TLL2: variants seen among roughly 807,000 people sequenced by gnomAD.
TLL2 encodes tolloid-like protein 2.
A neutral mutation model predicts 123.0 loss-of-function variants in TLL2; 106 were observed. The ratio of observed to expected loss-of-function variants is 0.86; its 90% CI spans 0.74 to 1.01. The LOEUF (loss-of-function observed/expected upper bound fraction) is 1.01. TLL2 is among the 50% of genes least tolerant of loss of function. The pLI, the probability that TLL2 is intolerant of heterozygous loss-of-function variation, is 0.00. For missense variants in TLL2, 1,332 were observed against 1,336.7 expected (o/e 1.00, Z 0.06); for synonymous variants, 494 against 516.8 (o/e 0.96, Z 0.60).
At chr10:96,421,506 A>C (rs533454286) in intron 6 of TLL2, among the ~76,000 whole-genome samples, 14 of 133,578 alleles carry the variant, frequency 1.0e-4, no homozygotes, top group South Asian at 7.0e-4. Flanking sequence ...TCTACTAAAA[A>C]TACAAAAATT....
chr10:96,483,697 G>T (rs140194398), intron 1 of TLL2, among the ~76,000 whole-genome samples: 4 of 152,230 alleles, frequency 2.6e-5, no homozygotes, highest in South Asian at 4.1e-4. Flanking sequence ...TTGTATATAC[G>T]GGAGGAGAAG....
At chr10:96,378,797 A>T (rs1201238517) in intron 17 of TLL2, among the ~76,000 whole-genome samples, 170 bp downstream of exon 17, 1 of 152,204 alleles carries the variant, frequency 6.6e-6, no homozygotes, top group Non-Finnish European at 1.5e-5. Context: ...CTCCTGAAGG[A>T]GCGAGATGCC....
intron 1 of TLL2, among the ~76,000 whole-genome samples, chr10:96,481,950 C>T (rs754051117): frequency 6.6e-5 from 10 of 152,162 alleles, no homozygotes; most frequent in Non-Finnish European, 1.5e-4. Context: ...TTATGGAAAA[C>T]TGGAAGGTTC....
At chr10:96,503,971 G>A (rs915785983) in intron 1 of TLL2, among the ~76,000 whole-genome samples, 7 of 152,204 alleles carry the variant, frequency 4.6e-5, no homozygotes, top group South Asian at 2.1e-4. Flanking sequence ...GTCACATGGC[G>A]TAGAGGGGAA....
intron 2 of TLL2, among the ~76,000 whole-genome samples, chr10:96,473,051 C>CT (rs1389360623): frequency 6.6e-6 from 1 of 151,994 alleles, no homozygotes; most frequent in African/African-American, 2.4e-5. Flanking sequence ...TCCATCAGCC[C>CT]CCCCCAATCA....
chr10:96,396,334 C>G (rs540162621), intron 11 of TLL2, among the ~76,000 whole-genome samples: 1 of 152,306 alleles, frequency 6.6e-6, no homozygotes, highest in South Asian at 2.1e-4. Flanking sequence ...GGTTCTGATT[C>G]CAGTGGGTGT....
chr10:96,512,955 G>A (rs954590109), intron 1 of TLL2, among the ~76,000 whole-genome samples: 2 of 152,270 alleles, frequency 1.3e-5, no homozygotes, highest in African/African-American at 2.4e-5. Flanking sequence ...TACCGCTACA[G>A]GGAAGTTTCC....
At position 96,421,050 on chromosome 10, in the gene TLL2, T is replaced by A; in HGVS notation, c.829A>T (p.Asn277Tyr). 6.2e-7 allele frequency: 1 copy of A among 1,613,858 alleles called. No homozygotes were observed. The highest frequency in any genetic ancestry group is 8.5e-7 in the Non-Finnish European group (1 of 1,179,826). ...RENIQPGQEYNFLKMEAGEVS... is the reference protein window; with the variant it reads ...RENIQPGQEYYFLKMEAGEVS... ...TCCCCAGCTTCCATTTTTAAGAAAT[T>A]ATACTCCTGACCTGTGACACAACAC... The change falls in exon 7 of 21, where the codon AAT becomes TAT. Residue 277 changes from asparagine (N) to tyrosine (Y), a missense_variant. By Grantham distance (143) the Asn-to-Tyr change is moderately radical (BLOSUM62 -2). Transcript: ENST00000357947.
intron 4 of TLL2, among the ~76,000 whole-genome samples, chr10:96,431,865 G>C (rs575746290): frequency 6.6e-6 from 1 of 152,292 alleles, no homozygotes; most frequent in African/African-American, 2.4e-5. Context: ...GAAGAAGACA[G>C]CCATGCAAAG....
intron 2 of TLL2, among the ~76,000 whole-genome samples, chr10:96,465,340 T>G (rs373613281): frequency 5.8e-4 from 88 of 152,198 alleles, no homozygotes; most frequent in African/African-American, 2.1e-3. Context: ...TGGTCCCACC[T>G]CACTGATTGA....
At chr10:96,501,113 T>C (rs1847529784) in intron 1 of TLL2, among the ~76,000 whole-genome samples, 3 of 152,214 alleles carry the variant, frequency 2.0e-5, no homozygotes, top group South Asian at 2.1e-4. Context: ...CAATTACTTC[T>C]AGGCAATGGG....
intron 1 of TLL2, among the ~76,000 whole-genome samples, chr10:96,505,100 T>C (rs1239326012): frequency 1.3e-5 from 2 of 152,276 alleles, no homozygotes; most frequent in Middle Eastern, 3.2e-3. Flanking sequence ...CTTAATTGAC[T>C]CGCAGTTCTG....
At position 96,497,784 on chromosome 10, in the gene TLL2, TTTGTTTCCTGCTG is replaced by T. The variant is rs1348408188; in HGVS notation, c.175+15714_175+15726del. ...TTCATCTGAAACATCTGGGATAAAT[TTTGTTTCCTGCTG>T]GGACTCTGACTTATAGAGCTTTGCT... On this transcript the variant is annotated intron_variant, in intron 1 of 20. Transcript: ENST00000357947. 7.9e-5 allele frequency among the ~76,000 whole-genome samples: 12 copies of T among 152,340 alleles called. No homozygotes were observed. In the East Asian group the frequency reaches 2.1e-3, roughly 27 times the overall value.
intron 20 of TLL2, among the ~76,000 whole-genome samples, chr10:96,369,690 G>A (rs911080807): frequency 1.3e-5 from 2 of 151,178 alleles, no homozygotes; most frequent in African/African-American, 2.4e-5. Flanking sequence ...GAACTCAGGA[G>A]GCAGAGGTTG....
intron 2 of TLL2, among the ~76,000 whole-genome samples, chr10:96,460,145 T>TA (rs1380067364): frequency 6.6e-6 from 1 of 152,222 alleles, no homozygotes; most frequent in Non-Finnish European, 1.5e-5. Flanking sequence ...ACCACTCATA[T>TA]AAGGGAAAAT....
chr10:96,406,994 A>C (rs1846457760), intron 9 of TLL2, among the ~76,000 whole-genome samples: 2 of 144,000 alleles, frequency 1.4e-5, no homozygotes, highest in African/African-American at 2.6e-5. Context: ...CGATTCCTGG[A>C]CTCCTCCCTG....
intron 2 of TLL2, among the ~76,000 whole-genome samples, chr10:96,469,695 C>T (rs1055536045): frequency 2.6e-5 from 4 of 152,202 alleles, no homozygotes; most frequent in Non-Finnish European, 5.9e-5. Context: ...TCCCAGAGCA[C>T]GACAATCATC....
intron 16 of TLL2, 35 bp from the exon 17 acceptor site, chr10:96,379,127 G>A (rs200862673): frequency 6.5e-5 from 103 of 1,585,772 alleles, no homozygotes; most frequent in Admixed American, 3.7e-4. Flanking sequence ...AAGAGGAACC[G>A]CCAACTTGCA....
intron 2 of TLL2, among the ~76,000 whole-genome samples, chr10:96,478,560 G>A (rs912518835): frequency 6.6e-6 from 1 of 152,306 alleles, no homozygotes; most frequent in South Asian, 2.1e-4. Flanking sequence ...TTTATTTATC[G>A]TAGCCCAAAC....
Sources: allele counts gnomAD v4.1 joint callset (sites outside exome capture counted in the v4.1 genomes callset), GRCh38; gene constraint gnomAD v4.1.1; transcripts MANE v1.5; gene names NCBI Gene and HGNC (gene_info 2026-07-23, HGNC 2026-07-21).